The following LSAMP variants were observed in gnomAD, a reference collection of about 807,000 sequenced individuals.
LSAMP encodes the protein limbic system associated membrane protein, also known as limbic system-associated membrane protein.
A neutral mutation model predicts 38.6 loss-of-function variants in LSAMP; 7 were observed. The observed-to-expected ratio is 0.18, with a 90% confidence interval of 0.10 to 0.34. The LOEUF (loss-of-function observed/expected upper bound fraction) is 0.34, where lower values mean the gene tolerates loss of function less well. LSAMP is among the 10% of genes least tolerant of loss of function. LSAMP has a pLI of 1.00. For synonymous variants in LSAMP, 154 were observed against 166.8 expected, an observed-to-expected ratio of 0.92 and a Z score of 0.59; for missense variants, 313 against 420.0, an observed-to-expected ratio of 0.75 and a Z score of 2.23.
chr3:116,208,770 G>A (rs1477331912), intron 1 of LSAMP, among the ~76,000 whole-genome samples: 2 of 152,214 alleles, frequency 1.3e-5, no homozygotes, highest in African/African-American at 4.8e-5. Flanking sequence ...CAGATCTCCA[G>A]CTGCGTGCTG....
intron 1 of LSAMP, among the ~76,000 whole-genome samples, chr3:116,188,786 T>A (rs1710684692): frequency 6.6e-6 from 1 of 152,162 alleles, no homozygotes; most frequent in Non-Finnish European, 1.5e-5. Flanking sequence ...GATGTCTTTC[T>A]CTAAGAGGCT....
chr3:116,430,845 T>A (rs1193403991), intron 1 of LSAMP, among the ~76,000 whole-genome samples: 2 of 152,088 alleles, frequency 1.3e-5, no homozygotes, highest in Non-Finnish European at 2.9e-5. Flanking sequence ...CATTTTTATG[T>A]CATTCAACTA....
intron 3 of LSAMP, among the ~76,000 whole-genome samples, chr3:115,939,532 CTTT>C (rs1937825251): frequency 3.6e-5 from 2 of 56,054 alleles, no homozygotes; most frequent in African/African-American, 4.7e-5. Flanking sequence ...TTCTCTTTCT[CTTT>C]CTTTCTTTCT....
intron 3 of LSAMP, among the ~76,000 whole-genome samples, chr3:115,894,699 G>T (rs1482128085): frequency 6.6e-6 from 1 of 151,970 alleles, no homozygotes; most frequent in Non-Finnish European, 1.5e-5. Context: ...GCCACTGAAA[G>T]AATTAATTTG....
intron 1 of LSAMP, among the ~76,000 whole-genome samples, chr3:116,252,536 A>G (rs997137863): frequency 3.9e-5 from 6 of 152,120 alleles, no homozygotes; most frequent in Admixed American, 3.9e-4. Context: ...TGAAAAAAAA[A>G]TAGAAGGAAC....
At chr3:116,166,596 G>T (rs1372556568) in intron 1 of LSAMP, among the ~76,000 whole-genome samples, 1 of 151,950 alleles carries the variant, frequency 6.6e-6, no homozygotes, top group Non-Finnish European at 1.5e-5. Context: ...ATGTATATAT[G>T]TACATATATA....
chr3:115,982,092 G>A (rs1189051107), intron 3 of LSAMP, among the ~76,000 whole-genome samples: 1 of 152,160 alleles, frequency 6.6e-6, no homozygotes, highest in Non-Finnish European at 1.5e-5. Flanking sequence ...GAAGGAAGGA[G>A]GAAGTATAAA....
At chr3:116,170,545 A>G (rs1710171305) in intron 1 of LSAMP, among the ~76,000 whole-genome samples, 1 of 152,208 alleles carries the variant, frequency 6.6e-6, no homozygotes, top group Non-Finnish European at 1.5e-5. Flanking sequence ...AACATGTGTT[A>G]TAAGAGCTAG....
At chr3:116,037,740 A>G (rs954336878) in intron 2 of LSAMP, among the ~76,000 whole-genome samples, 10 of 152,070 alleles carry the variant, frequency 6.6e-5, no homozygotes, top group African/African-American at 2.4e-4. Flanking sequence ...TCCCATGACT[A>G]TGTGGTTATA....
At chr3:115,861,854 G>A (rs184874413) in intron 3 of LSAMP, among the ~76,000 whole-genome samples, 109 of 100,468 alleles carry the variant, frequency 1.1e-3, no homozygotes, top group East Asian at 1.5e-3. Flanking sequence ...TAATCTACAC[G>A]AGTTGTAATT....
At chr3:116,298,055 A>C (rs530294849) in intron 1 of LSAMP, among the ~76,000 whole-genome samples, 14 of 152,218 alleles carry the variant, frequency 9.2e-5, no homozygotes, top group South Asian at 2.1e-4. Flanking sequence ...CTTCTTCAAC[A>C]ATTCCTCAAC....
At chr3:116,211,913 G>T (rs1045654048) in intron 1 of LSAMP, among the ~76,000 whole-genome samples, 1 of 152,188 alleles carries the variant, frequency 6.6e-6, no homozygotes, top group Non-Finnish European at 1.5e-5. Flanking sequence ...AGCAGGAGAC[G>T]TTGGTTCCAT....
At chr3:116,436,293 G>A (rs1462884163) in intron 1 of LSAMP, among the ~76,000 whole-genome samples, 4 of 152,088 alleles carry the variant, frequency 2.6e-5, no homozygotes, top group Admixed American at 2.0e-4. Flanking sequence ...GCTTAGGCAA[G>A]GATTTTATGA....
At chr3:115,811,348 G>A (rs549881902) in intron 6 of LSAMP, among the ~76,000 whole-genome samples, 1 of 152,302 alleles carries the variant, frequency 6.6e-6, no homozygotes, top group African/African-American at 2.4e-5. Context: ...TCTGGCAGAA[G>A]AGCTTATCAT....
Position 115,802,739 on chromosome 3 carries a change from A to G in LSAMP, c.*7578T>C, listed in dbSNP as rs1398569275. ...TATTTATATATATATTTATATGTAT[A>G]TAACACTGTTAATAAGGAGAATTCT... On this transcript the variant is annotated 3_prime_UTR_variant, in exon 7 of 7. Transcript: ENST00000490035. 1.3e-5 allele frequency: 2 copies of G among 152,020 alleles called. No individual in the cohort carries two copies. The highest frequency in any genetic ancestry group is 2.9e-5 in the Non-Finnish European group (2 of 68,014). The allele number at this position is 152,020 out of a possible 1,614,324, so 9.4% of individuals were successfully genotyped here.
At chr3:116,092,519 T>C (rs1459231198) in intron 1 of LSAMP, among the ~76,000 whole-genome samples, 8 of 152,128 alleles carry the variant, frequency 5.3e-5, no homozygotes, top group East Asian at 1.9e-4. Context: ...TTTTAAAAAA[T>C]CATCTCTTAA....
chr3:115,810,927 G>A (rs539211729), intron 6 of LSAMP, among the ~76,000 whole-genome samples: 3 of 152,254 alleles, frequency 2.0e-5, no homozygotes, highest in South Asian at 2.1e-4. Flanking sequence ...AATGGGGAGG[G>A]GAACTGTTTT....
intron 1 of LSAMP, among the ~76,000 whole-genome samples, chr3:116,178,219 T>G (rs1576414086): frequency 6.6e-6 from 1 of 152,188 alleles, no homozygotes; most frequent in East Asian, 1.9e-4. Context: ...CAGGCTGGAG[T>G]GTAATGGCAC....
At chr3:116,262,785 G>A (rs567601813) in intron 1 of LSAMP, among the ~76,000 whole-genome samples, 4 of 152,272 alleles carry the variant, frequency 2.6e-5, no homozygotes, top group African/African-American at 9.6e-5. Context: ...ACAGACAGAA[G>A]GAGGGAAAGG....
Sources: allele counts gnomAD v4.1 joint callset (sites outside exome capture counted in the v4.1 genomes callset), GRCh38; gene constraint gnomAD v4.1.1; transcripts MANE v1.5; gene names NCBI Gene and HGNC (gene_info 2026-07-23, HGNC 2026-07-21).